Variants in IARS1 observed in about 807,000 individuals in gnomAD.
The protein encoded by IARS1 is isoleucyl-tRNA synthetase 1.
In IARS1, 124 loss-of-function variants were observed where a neutral mutation model predicts 168.2. The observed-to-expected ratio is 0.74, with a 90% confidence interval of 0.64 to 0.86. IARS1 has a LOEUF of 0.86. Among genes scored for constraint, IARS1 ranks in the 40% least tolerant of loss-of-function variants. IARS1 has a pLI of 0.00. For synonymous variants in IARS1, 532 were observed against 529.4 expected (o/e 1.00, Z -0.07); for missense variants, 1,452 against 1,515.8 (o/e 0.96, Z 0.70).
At chr9:92,220,412 TATA>T (rs1239377241) in intron 33 of IARS1, among the ~76,000 whole-genome samples, 69 of 151,646 alleles carry the variant, frequency 4.6e-4, no homozygotes, top group African/African-American at 1.4e-3. Flanking sequence ...AAACTTAAAG[TATA>T]ATAATAATAA....
At chr9:92,265,333 G>A in intron 15 of IARS1, 147 bp downstream of exon 15, 2 of 824,662 alleles carry the variant, frequency 2.4e-6, no homozygotes, top group Non-Finnish European at 3.9e-6. Context: ...CAAGGACAGA[G>A]GCCACAATAC....
chr9:92,246,796 G>C (rs9409663), intron 26 of IARS1, among the ~76,000 whole-genome samples: 12 of 152,004 alleles, frequency 7.9e-5, no homozygotes, highest in African/African-American at 2.4e-4. Context: ...GATGTGAGCC[G>C]CTGGGATTAC....
chr9:92,218,503 C>T, intron 33 of IARS1, among the ~76,000 whole-genome samples: 1 of 106,564 alleles, frequency 9.4e-6, no homozygotes, highest in Non-Finnish European at 1.8e-5. Flanking sequence ...TTGCAGATGA[C>T]ATGATTGTAT....
chr9:92,254,709 A>G (rs1830479457), intron 20 of IARS1, among the ~76,000 whole-genome samples: 1 of 152,214 alleles, frequency 6.6e-6, no homozygotes, highest in African/African-American at 2.4e-5. Context: ...AGAACTCCAC[A>G]TACAATGGAT....
Position 92,260,175 on chromosome 9 carries a change from T to G in IARS1, c.1847A>C (p.Gln616Pro), listed in dbSNP as rs200513606. The G allele has an allele frequency of 1.2e-6, 2 of 1,614,072 alleles. No homozygotes were observed. Among genetic ancestry groups the G allele is most frequent in the East Asian group, 2.2e-5 (1 of 44,876 alleles). The change falls in exon 18 of 34, where the codon CAG (glutamine) becomes CCG (proline). Residue 616 changes from glutamine (Q) to proline (P), a missense_variant. Gln to Pro is a moderately conservative substitution (Grantham distance 76, BLOSUM62 -1). Coordinates refer to ENST00000443024, the MANE Select transcript of IARS1 (RefSeq NM_002161.6). ...KNYPDPVSII[Q>P]KYGADALRLY... ...CCTGAGGGCATCAGCACCATACTTC[T>G]GGATGATGGAAACTGGATCTGGATA...
intron 9 of IARS1, among the ~76,000 whole-genome samples, chr9:92,274,793 A>G (rs935316566): frequency 3.1e-4 from 47 of 152,166 alleles, no homozygotes; most frequent in African/African-American, 1.0e-3. Context: ...CGTGTTTTTC[A>G]TTAGTTCTCC....
chr9:92,281,931 C>T (rs1362359543), intron 6 of IARS1, among the ~76,000 whole-genome samples: 2 of 152,132 alleles, frequency 1.3e-5, no homozygotes, highest in African/African-American at 4.8e-5. Flanking sequence ...AGACATACCA[C>T]TGCATGAAGC....
chr9:92,261,008 T>C (rs1831446927), intron 17 of IARS1, among the ~76,000 whole-genome samples: 1 of 152,090 alleles, frequency 6.6e-6, no homozygotes, highest in Admixed American at 6.6e-5. Context: ...AATGGAATTA[T>C]GTGGATTTAA....
intron 33 of IARS1, among the ~76,000 whole-genome samples, chr9:92,215,113 C>G (rs989637124): frequency 6.6e-6 from 1 of 152,172 alleles, no homozygotes; most frequent in Non-Finnish European, 1.5e-5. Context: ...GGTCCCTGAC[C>G]CCTGACCCCC....
intron 31 of IARS1, among the ~76,000 whole-genome samples, chr9:92,224,036 A>G (rs2133415907): frequency 6.6e-6 from 1 of 152,324 alleles, no homozygotes; most frequent in Non-Finnish European, 1.5e-5. Context: ...AATGGTAGGT[A>G]TGAGACTAGG....
Position 92,278,244 on chromosome 9 carries a change from A to T in IARS1, c.788T>A (p.Leu263Ter). 1 of 1,612,910 alleles carries T rather than the reference A, an allele frequency of 6.2e-7. No individual in the cohort carries two copies. The highest frequency in any genetic ancestry group is 8.5e-7 in the Non-Finnish European group (1 of 1,178,862). ...ACTCTCCAATTTATAGAGGGCTGAC[A>T]ATCTGGCTTCCATTAAAATGAGTAA... ...GRLLILMEAR[L>*]SALYKLESDY... The change falls in exon 8 of 34, where the codon TTG becomes TAG. Residue 263 changes from leucine to a stop codon, truncating the protein, a stop_gained. Coordinates refer to ENST00000443024, the MANE Select transcript of IARS1 (RefSeq NM_002161.6). LOFTEE classifies it high-confidence loss of function.
intron 33 of IARS1, among the ~76,000 whole-genome samples, chr9:92,214,652 G>T (rs927233137): frequency 2.0e-5 from 3 of 152,220 alleles, no homozygotes; most frequent in African/African-American, 7.2e-5. Flanking sequence ...GTCAAAGAAA[G>T]GGGTGACGGA....
intron 21 of IARS1, chr9:92,252,509 G>GT (rs1830149091): frequency 4.5e-6 from 2 of 445,452 alleles, no homozygotes; most frequent in South Asian, 3.2e-5. Flanking sequence ...GTTCACACCT[G>GT]TAACACCACT....
chr9:92,210,833 C>G lies in IARS1; in HGVS notation c.3763G>C (p.Val1255Leu), dbSNP rs774926748. Residue 1255 changes from valine to leucine, a missense_variant, in exon 34 of 34, where the codon GTG (valine) becomes CTG (leucine). Physicochemically the swap from Val to Leu is conservative, Grantham distance 32 (BLOSUM62 1). Transcript: ENST00000443024. ...TLNMKTVYVS[V>L]LPTTADF ...TAGAAGTCTGCTGTTGTTGGTAACA[C>G]AGAAACATACACAGTCTTCATATTC... The G allele has an allele frequency of 1.9e-6, 3 of 1,611,280 alleles. No homozygotes were observed. The highest frequency in any genetic ancestry group is 2.7e-5 in the African/African-American group (2 of 74,858).
intron 9 of IARS1, among the ~76,000 whole-genome samples, chr9:92,276,588 C>T (rs1255057811): frequency 6.6e-6 from 1 of 152,186 alleles, no homozygotes; most frequent in East Asian, 1.9e-4. Context: ...AGGTAACAGA[C>T]ACACCATGGA....
At chr9:92,275,372 G>A (rs1411329570) in intron 9 of IARS1, among the ~76,000 whole-genome samples, 1 of 152,178 alleles carries the variant, frequency 6.6e-6, no homozygotes, top group Non-Finnish European at 1.5e-5. Flanking sequence ...ATGAAGCCAG[G>A]ACATGGAACA....
intron 16 of IARS1, 73 bp downstream of exon 16, chr9:92,264,856 A>T (rs1317668257): frequency 4.7e-6 from 6 of 1,281,542 alleles, no homozygotes; most frequent in Non-Finnish European, 6.5e-6. Flanking sequence ...GATAAATGGC[A>T]GTGACTTAGT....
chr9:92,229,226 TA>T, intron 30 of IARS1, 100 bp from the exon 31 acceptor site: 2 of 1,239,198 alleles, frequency 1.6e-6, no homozygotes, highest in Non-Finnish European at 2.2e-6. Flanking sequence ...CAAGCCCTAA[TA>T]TTTTTCCTTT....
chr9:92,268,081 A>G, intron 14 of IARS1, 93 bp downstream of exon 14: 1 of 1,344,500 alleles, frequency 7.4e-7, no homozygotes, highest in Non-Finnish European at 1.0e-6. Flanking sequence ...AGGGGCAAAG[A>G]AAAAAACACC....
Sources: gnomAD v4.1 joint callset for allele counts (sites outside exome capture counted in the v4.1 genomes callset) on GRCh38, gnomAD v4.1.1 for gene constraint, MANE v1.5 for transcripts, NCBI Gene and HGNC (gene_info 2026-07-23, HGNC 2026-07-21) for gene names.